TMX1: variants seen among roughly 807,000 people sequenced by gnomAD.
TMX1 encodes the protein thioredoxin-related transmembrane protein 1.
Under a neutral mutation model 36.6 loss-of-function variants are expected in TMX1, and 25 were observed. The observed-to-expected ratio is 0.68, with a 90% CI of 0.50 to 0.95. The LOEUF (loss-of-function observed/expected upper bound fraction) is 0.95, where lower values mean the gene tolerates loss of function less well. TMX1 is among the 40% of genes least tolerant of loss of function. The pLI, the probability that TMX1 is intolerant of heterozygous loss-of-function variation, is 0.00. For synonymous variants in TMX1, 133 were observed against 118.0 expected, an observed-to-expected ratio of 1.13 and a Z score of -0.82; for missense variants, 347 against 339.6, an observed-to-expected ratio of 1.02 and a Z score of -0.17.
intron 7 of TMX1, among the ~76,000 whole-genome samples, chr14:51,251,686 T>C (rs1307517335): frequency 1.3e-5 from 2 of 152,116 alleles, no homozygotes; most frequent in African/African-American, 4.8e-5. Flanking sequence ...GGTGTTGGAG[T>C]CTGAGTCATC....
intron 2 of TMX1, chr14:51,244,317 T>C (rs2065775771): frequency 1.3e-5 from 2 of 159,438 alleles, no homozygotes; most frequent in East Asian, 3.6e-4. Flanking sequence ...CTTTGAGAAG[T>C]CCTAGGACAC....
At position 51,250,995 on chromosome 14, in the gene TMX1, G is replaced by A. The variant is rs1251755361; in HGVS notation, c.664+1230G>A. ...GGCCACTGATGTCTAGGAAAAAAAC[G>A]TAAGCACAGATTACTTAAAAGACAA... On this transcript the variant is annotated intron_variant, in intron 7 of 7. Transcript: ENST00000457354. 5.3e-5 allele frequency among the ~76,000 whole-genome samples: 8 copies of A among 152,106 alleles called. 1 individual carries two copies. In the South Asian group the frequency reaches 1.0e-3, roughly 20 times the overall value.
At chr14:51,251,835 A>T (rs2065815635) in intron 7 of TMX1, among the ~76,000 whole-genome samples, 1 of 152,198 alleles carries the variant, frequency 6.6e-6, no homozygotes. Context: ...TAAAATTCCC[A>T]GGTGAAGTTG....
rs2065803686 is a variant in TMX1, at chr14:51,249,818, C to A, written c.664+53C>A. On this transcript the variant is annotated intron_variant, in intron 7 of 7. Coordinates refer to ENST00000457354, the MANE Select transcript of TMX1 (RefSeq NM_030755.5). ...TTATTCACGATAGTCCTATTCATTT[C>A]TGTAATCACAATCACACATTTCACA... The A allele has an allele frequency of 9.2e-5, 125 of 1,355,598 alleles. No homozygotes were observed. The South Asian group carries it at 1.6e-3, about 17-fold the overall frequency. The allele number at this position is 1,355,598 out of a possible 1,614,324, so 84.0% of individuals were successfully genotyped here.
intron 4 of TMX1, among the ~76,000 whole-genome samples, chr14:51,248,711 C>T (rs1047024492): frequency 1.3e-5 from 2 of 152,146 alleles, no homozygotes; most frequent in Admixed American, 6.5e-5. Flanking sequence ...ACTCACAGAC[C>T]TTTCTTATTT....
chr14:51,246,921 TGGG>T (rs1181181177), intron 3 of TMX1, among the ~76,000 whole-genome samples, 168 bp from the exon 4 acceptor site: 1 of 152,174 alleles, frequency 6.6e-6, no homozygotes, highest in Non-Finnish European at 1.5e-5. Context: ...ATTGTTAAAT[TGGG>T]GGCTAAAATG....
rs373458674 is a variant in TMX1, at chr14:51,249,719, T to G, written c.618T>G (p.Leu206=). The G allele has an allele frequency of 1.9e-6, 3 of 1,613,642 alleles. No homozygotes were observed. The highest frequency in any genetic ancestry group is 2.5e-6 in the Non-Finnish European group (3 of 1,179,718). The change falls in exon 7 of 8, where the codon CTT becomes CTG. Residue 206 remains leucine, a synonymous_variant. Transcript: ENST00000457354. ...GLCMIFVADC[L]CPSKRRRPQP... is the part of the protein sequence containing the mutation. ...GTATGATATTTGTGGCAGATTGCCT[T>G]TGTCCTTCAAAAAGGCGCAGACCAC...
chr14:51,245,636 C>T (rs2065782339), intron 3 of TMX1: 1 of 572,600 alleles, frequency 1.7e-6, no homozygotes, highest in Non-Finnish European at 2.9e-6. Flanking sequence ...AGTCATTATG[C>T]ATCCAAAGTA....
chr14:51,255,486 C>T lies in TMX1; in HGVS notation c.*967C>T. 6.7e-6 allele frequency: 1 copy of T among 150,126 alleles called. No homozygotes were observed. The highest frequency in any genetic ancestry group is 2.0e-4 in the East Asian group (1 of 5,122). 9.3% of individuals were successfully genotyped at this position (150,126 alleles called of 1,614,324 possible). ...CTTGGTATTTTACATTTTGAAAATTCAAAGAAGCTTAATATAAAAGTTTGC... is the reference window on the plus strand; with the variant it reads ...CTTGGTATTTTACATTTTGAAAATTTAAAGAAGCTTAATATAAAAGTTTGC... On this transcript the variant is annotated 3_prime_UTR_variant, in exon 8 of 8. Coordinates refer to ENST00000457354, the MANE Select transcript of TMX1 (RefSeq NM_030755.5).
chr14:51,249,759 C>G lies in TMX1; in HGVS notation c.658C>G (p.Pro220Ala), dbSNP rs776208596. 3.7e-6 allele frequency: 6 copies of G among 1,602,608 alleles called. No individual in the cohort carries two copies. In the African/African-American group the frequency reaches 6.7e-5, roughly 18 times the overall value. ...KRRRPQPYPY[P>A]SKKLLSESAQ... ...GCGCAGACCACAGCCGTACCCATACCCTTCAAGTAAGTATATTTTAAAATG... is the reference window on the plus strand; with the variant it reads ...GCGCAGACCACAGCCGTACCCATACGCTTCAAGTAAGTATATTTTAAAATG... The change falls in exon 7 of 8, where the codon CCT (proline) becomes GCT (alanine). Residue 220 changes from proline (P) to alanine (A), a missense_variant. Pro to Ala is a conservative substitution (Grantham distance 27, BLOSUM62 -1). Transcript: ENST00000457354.
At chr14:51,249,630 A>G (rs1826433807) in intron 6 of TMX1, 61 bp downstream of exon 6, 2 of 1,596,282 alleles carry the variant, frequency 1.3e-6, no homozygotes, top group African/African-American at 2.7e-5. Flanking sequence ...ATTATTTAAA[A>G]TAGTTACATT....
At chr14:51,248,999 C>G (rs542772515) in intron 4 of TMX1, among the ~76,000 whole-genome samples, 1 of 152,150 alleles carries the variant, frequency 6.6e-6, no homozygotes, top group Non-Finnish European at 1.5e-5. Flanking sequence ...CCTTTTCCAA[C>G]TGGTTTCATG....
At chr14:51,245,608 A>G (rs762626567) in intron 3 of TMX1, 537 of 850,764 alleles carry the variant, frequency 6.3e-4, no homozygotes, top group Non-Finnish European at 9.0e-4. Flanking sequence ...AAATGGTGTG[A>G]TCCTGTTCAG....
chr14:51,242,985 T>C (rs949231468), intron 1 of TMX1, among the ~76,000 whole-genome samples: 1 of 151,950 alleles, frequency 6.6e-6, no homozygotes, highest in African/African-American at 2.4e-5. Context: ...TGTTCTACAA[T>C]GTCTATTTTA....
chr14:51,254,363 A>G lies in TMX1; in HGVS notation c.687A>G (p.Ala229=), dbSNP rs1596409141. Residue 229 remains alanine, a synonymous_variant, in exon 8 of 8, where the codon GCA becomes GCG. Transcript: ENST00000457354. ...AAGAAAAATTATTATCAGAATCTGC[A>G]CAACCTTTGAAAAAAGTGGAGGAGG... ...YPSKKLLSES[A]QPLKKVEEEQ... is the part of the protein sequence containing the mutation. 1.9e-6 allele frequency: 3 copies of G among 1,605,996 alleles called. No homozygotes were observed. The highest frequency in any genetic ancestry group is 2.5e-6 in the Non-Finnish European group (3 of 1,177,838).
intron 3 of TMX1, among the ~76,000 whole-genome samples, chr14:51,246,195 G>A (rs972112741): frequency 7.3e-5 from 11 of 151,324 alleles, no homozygotes; most frequent in South Asian, 2.1e-4. Flanking sequence ...TTTTCCCCAC[G>A]TGCCCCTTCA....
Position 51,240,286 on chromosome 14 carries a change from C to T in TMX1, c.-7C>T. The stretch of plus-strand genomic sequence containing the variant: ...CCGCGCTCCCTGTGAGGTGGGCAAG[C>T]GGCGAAATGGCGCCCTCCGGGAGTC... On this transcript the variant is annotated 5_prime_UTR_variant, in exon 1 of 8. Coordinates refer to ENST00000457354, the MANE Select transcript of TMX1 (RefSeq NM_030755.5). The T allele has an allele frequency of 6.2e-7, 1 of 1,608,576 alleles. No homozygotes were observed. The highest frequency in any genetic ancestry group is 8.5e-7 in the Non-Finnish European group (1 of 1,179,332).
Position 51,254,865 on chromosome 14 carries a change from T to C in TMX1, c.*346T>C, listed in dbSNP as rs1244755482. 4.4e-5 allele frequency: 7 copies of C among 160,420 alleles called. No individual in the cohort carries two copies. Among genetic ancestry groups the C allele is most frequent in the Non-Finnish European group, 8.2e-5 (6 of 73,528 alleles). The allele number at this position is 160,420 out of a possible 1,614,324, so 9.9% of individuals were successfully genotyped here. A position where few individuals can be genotyped will look rare whatever the true frequency, so the allele number is the denominator to read the frequency against. ...TATTGAGGTATTTAAGAAGATTATT[T>C]TAGAGAAAAATATTTCTCATTTGAT... On this transcript the variant is annotated 3_prime_UTR_variant, in exon 8 of 8. Transcript: ENST00000457354.
chr14:51,242,702 G>T (rs931398836), intron 1 of TMX1, among the ~76,000 whole-genome samples: 2 of 152,048 alleles, frequency 1.3e-5, no homozygotes, highest in Non-Finnish European at 2.9e-5. Flanking sequence ...TCTTGAGCCC[G>T]GGAGGTTGAG....
Sources: allele counts gnomAD v4.1 joint callset (sites outside exome capture counted in the v4.1 genomes callset), GRCh38; gene constraint gnomAD v4.1.1; transcripts MANE v1.5; gene names NCBI Gene and HGNC (gene_info 2026-07-23, HGNC 2026-07-21).